The following MGAT4C variants were observed in gnomAD, a reference collection of about 807,000 sequenced individuals.
MGAT4C encodes alpha-1,3-mannosyl-glycoprotein 4-beta-N-acetylglucosaminyltransferase C.
Under a neutral mutation model 40.1 loss-of-function variants are expected in MGAT4C, and 19 were observed. The observed-to-expected ratio is 0.47, with a 90% confidence interval of 0.33 to 0.70. The LOEUF is 0.70. MGAT4C is among the 30% of genes least tolerant of loss of function. The pLI is 0.02. For synonymous variants in MGAT4C, 181 were observed against 187.1 expected (o/e 0.97, Z 0.27); for missense variants, 491 against 563.2 (o/e 0.87, Z 1.30).
At chr12:86,318,301 C>T (rs983153862) in intron 4 of MGAT4C, among the ~76,000 whole-genome samples, 3 of 152,000 alleles carry the variant, frequency 2.0e-5, no homozygotes, top group African/African-American at 7.3e-5. Flanking sequence ...AATTTCTTTC[C>T]AACACGCCTC....
chr12:86,047,821 T>C (rs1311109051), intron 2 of MGAT4C, among the ~76,000 whole-genome samples: 1 of 152,126 alleles, frequency 6.6e-6, no homozygotes, highest in African/African-American at 2.4e-5. Flanking sequence ...AAATTGGTCT[T>C]GGGTTGATAT....
At chr12:86,315,630 C>A (rs1416955627) in intron 4 of MGAT4C, among the ~76,000 whole-genome samples, 11 of 152,014 alleles carry the variant, frequency 7.2e-5, no homozygotes, top group Non-Finnish European at 1.5e-4. Flanking sequence ...GGCATGAACC[C>A]GGGAGGCGGA....
At chr12:86,606,605 T>A (rs1962054956) in intron 2 of MGAT4C, among the ~76,000 whole-genome samples, 1 of 152,126 alleles carries the variant, frequency 6.6e-6, no homozygotes, top group African/African-American at 2.4e-5. Flanking sequence ...TAGCCCTAGT[T>A]CCTGTTAACT....
intron 1 of MGAT4C, among the ~76,000 whole-genome samples, chr12:86,158,509 CTT>C (rs1016191889): frequency 6.6e-6 from 1 of 151,972 alleles, no homozygotes; most frequent in African/African-American, 2.4e-5. Flanking sequence ...AAAACTGTAA[CTT>C]TATTTCTTCT....
chr12:86,819,204 T>C lies in MGAT4C; in HGVS notation c.-262+19462A>G, dbSNP rs146540821. Among the ~76,000 whole-genome samples, 247 of 151,082 alleles carry C rather than the reference T, an allele frequency of 1.6e-3. 4 individuals carry two copies. In the East Asian group the frequency reaches 0.031, roughly 19 times the overall value. The stretch of plus-strand genomic sequence containing the variant: ...AATTATTATATCTCAGTTTCTTAAG[T>C]ATCATCATCATCAACTACTTAAAAT... On this transcript the variant is annotated intron_variant, in intron 1 of 7. Transcript: ENST00000548651.
At position 86,303,245 on chromosome 12, in the gene MGAT4C, TATTA is replaced by T. The variant is rs911546082; in HGVS notation, c.-57+30816_-57+30819del. Among the ~76,000 whole-genome samples the T allele has an allele frequency of 2.4e-4, 36 of 150,742 alleles. 1 individual carries two copies. The highest frequency in any genetic ancestry group is 9.8e-4 in the Admixed American group (15 of 15,254). ...AAGGTGAATTAATCTAAGATGTTAT[TATTA>T]ATTGATTATGTCTGTATTCCTTTCT... On this transcript the variant is annotated intron_variant, in intron 4 of 7. Coordinates refer to the MGAT4C transcript ENST00000548651.
chr12:86,170,730 A>T (rs763039222), intron 1 of MGAT4C, among the ~76,000 whole-genome samples: 2 of 151,006 alleles, frequency 1.3e-5, no homozygotes, highest in Non-Finnish European at 3.0e-5. Flanking sequence ...AGGCAGGTGG[A>T]TTGCTTGTGC....
At chr12:86,005,401 T>C (rs1887771729) in intron 2 of MGAT4C, among the ~76,000 whole-genome samples, 1 of 152,206 alleles carries the variant, frequency 6.6e-6, no homozygotes, top group Non-Finnish European at 1.5e-5. Flanking sequence ...ATTGGTTATA[T>C]TTATAAGGTT....
Position 86,498,601 on chromosome 12 carries a change from G to A in MGAT4C, c.-228-63336C>T, listed in dbSNP as rs76149964. Among the ~76,000 whole-genome samples the A allele has an allele frequency of 1.3e-3, 205 of 151,988 alleles. 4 individuals carry two copies. Among genetic ancestry groups the A allele is most frequent in the African/African-American group, 4.7e-3 (194 of 41,532 alleles). ...GCAATCAAGAGCAATGTAATCAAGT[G>A]TACAGATGCAGTAATAAATAATAAC... On this transcript the variant is annotated intron_variant, in intron 2 of 7. Transcript: ENST00000548651.
At chr12:86,295,475 G>A (rs1004733709) in intron 4 of MGAT4C, among the ~76,000 whole-genome samples, 1 of 152,050 alleles carries the variant, frequency 6.6e-6, no homozygotes, top group African/African-American at 2.4e-5. Context: ...GCAGATTTTC[G>A]CAGTGAGTGT....
At position 86,183,358 on chromosome 12, in the gene MGAT4C, G is replaced by A. The variant is rs1021010797; in HGVS notation, c.-57+72881C>T. 7.9e-5 allele frequency among the ~76,000 whole-genome samples: 12 copies of A among 152,190 alleles called. No individual in the cohort carries two copies. The South Asian group carries it at 2.3e-3, about 29-fold the overall frequency. On this transcript the variant is annotated intron_variant, in intron 1 of 4. Coordinates refer to ENST00000611864, the MANE Select transcript of MGAT4C (RefSeq NM_001351288.2). ...ACTGGCTCTGCTACATATTAGCCCT[G>A]TAACTTGAGCTAGTTATTTAATCTC...
intron 3 of MGAT4C, among the ~76,000 whole-genome samples, chr12:86,356,853 C>T (rs2136197132): frequency 6.6e-6 from 1 of 152,214 alleles, no homozygotes; most frequent in African/African-American, 2.4e-5. Flanking sequence ...CCCACTGAAG[C>T]TCAAGGAGGC....
intron 1 of MGAT4C, among the ~76,000 whole-genome samples, chr12:86,225,696 A>G (rs1951048206): frequency 6.6e-6 from 1 of 152,136 alleles, no homozygotes. Context: ...CAAAAATTAT[A>G]TAATTATCTC....
chr12:86,394,501 A>T (rs536094003), intron 3 of MGAT4C, among the ~76,000 whole-genome samples: 1,842 of 144,868 alleles, frequency 0.013, 15 homozygotes, highest in Middle Eastern at 0.029. Context: ...TTATATATAT[A>T]TTTTTTAAAT....
At chr12:86,044,536 G>A (rs1252131298) in intron 2 of MGAT4C, among the ~76,000 whole-genome samples, 2 of 152,162 alleles carry the variant, frequency 1.3e-5, no homozygotes, top group South Asian at 2.1e-4. Context: ...ATGTGTGCAC[G>A]CTGGAAGGAC....
chr12:86,002,813 GT>G (rs1887479595), intron 2 of MGAT4C, among the ~76,000 whole-genome samples: 1 of 151,660 alleles, frequency 6.6e-6, no homozygotes, highest in African/African-American at 2.4e-5. Flanking sequence ...TTCTTTTTGT[GT>G]TTTAGAGACA....
At chr12:86,773,621 T>A (rs1353791223) in intron 1 of MGAT4C, among the ~76,000 whole-genome samples, 1 of 152,112 alleles carries the variant, frequency 6.6e-6, no homozygotes, top group Non-Finnish European at 1.5e-5. Context: ...GAAAATTTGA[T>A]ATTTATAGCT....
chr12:86,457,350 T>C (rs1957526718), intron 2 of MGAT4C, among the ~76,000 whole-genome samples: 1 of 152,126 alleles, frequency 6.6e-6, no homozygotes, highest in Non-Finnish European at 1.5e-5. Context: ...TGCAAATTAA[T>C]ACCCAATCCT....
chr12:86,291,129 C>A (rs1173380764), intron 4 of MGAT4C, among the ~76,000 whole-genome samples: 2 of 152,238 alleles, frequency 1.3e-5, no homozygotes, highest in South Asian at 2.1e-4. Flanking sequence ...AGAGGCATGA[C>A]AGCAAGATAG....
Sources: allele counts gnomAD v4.1 joint callset (sites outside exome capture counted in the v4.1 genomes callset), GRCh38; gene constraint gnomAD v4.1.1; transcripts MANE v1.5; gene names NCBI Gene and HGNC (gene_info 2026-07-23, HGNC 2026-07-21).